Variants in EBF2 observed in about 807,000 individuals in gnomAD.
EBF2 encodes EBF transcription factor 2.
A neutral mutation model predicts 72.8 loss-of-function variants in EBF2; 21 were observed. That is an observed-to-expected ratio of 0.29 (90% CI 0.20 to 0.42). The LOEUF (loss-of-function observed/expected upper bound fraction) is 0.42, where lower values mean the gene tolerates loss of function less well. Ranked by LOEUF, EBF2 falls within the 10% of genes least tolerant of loss-of-function variation. The pLI is 1.00. For synonymous variants in EBF2, 299 were observed against 274.2 expected, an observed-to-expected ratio of 1.09 and a Z score of -0.89; for missense variants, 637 against 731.2, an observed-to-expected ratio of 0.87 and a Z score of 1.49.
chr8:25,986,461 G>A (rs180938325), intron 6 of EBF2, among the ~76,000 whole-genome samples: 120 of 152,258 alleles, frequency 7.9e-4, no homozygotes, highest in African/African-American at 2.8e-3. Context: ...CAAAGACAGG[G>A]GCAGTTCTGT....
intron 6 of EBF2, among the ~76,000 whole-genome samples, chr8:26,030,222 C>T (rs185496032): frequency 6.6e-6 from 1 of 152,188 alleles, no homozygotes; most frequent in Non-Finnish European, 1.5e-5. Context: ...AGTGAGAGAA[C>T]TCTTATCTTA....
chr8:25,906,304 C>T (rs565469586), intron 7 of EBF2, among the ~76,000 whole-genome samples: 1 of 152,302 alleles, frequency 6.6e-6, no homozygotes, highest in Non-Finnish European at 1.5e-5. Context: ...AGAAATAAAG[C>T]TAAGCTTTGG....
At chr8:25,922,432 T>C (rs1803319917) in intron 6 of EBF2, among the ~76,000 whole-genome samples, 1 of 152,218 alleles carries the variant, frequency 6.6e-6, no homozygotes, top group Admixed American at 6.5e-5. Flanking sequence ...TTCTACACAG[T>C]ACGTTTACTT....
intron 7 of EBF2, among the ~76,000 whole-genome samples, chr8:25,893,308 G>A (rs1297008709): frequency 4.8e-5 from 6 of 123,866 alleles, no homozygotes; most frequent in South Asian, 2.5e-4. Flanking sequence ...TTGAGACAGC[G>A]TCTTGCTCTA....
intron 7 of EBF2, among the ~76,000 whole-genome samples, chr8:25,894,830 A>C (rs991353251): frequency 2.3e-4 from 35 of 152,204 alleles, no homozygotes; most frequent in African/African-American, 8.2e-4. Flanking sequence ...GATCTGCTTT[A>C]AAAGAAGCAA....
chr8:25,889,908 G>A, intron 7 of EBF2, 39 bp from the exon 8 acceptor site: 2 of 1,563,394 alleles, frequency 1.3e-6, no homozygotes, highest in Non-Finnish European at 1.8e-6. Context: ...GGGGTGCAGT[G>A]GAATTAGTTT....
chr8:25,950,142 C>T (rs1392039955), intron 6 of EBF2, among the ~76,000 whole-genome samples: 1 of 152,186 alleles, frequency 6.6e-6, no homozygotes, highest in Non-Finnish European at 1.5e-5. Context: ...AAACGAGGTG[C>T]CCCACTGAGC....
chr8:25,882,442 G>C (rs1417006178), intron 10 of EBF2, among the ~76,000 whole-genome samples: 1 of 152,230 alleles, frequency 6.6e-6, no homozygotes, highest in Non-Finnish European at 1.5e-5. Flanking sequence ...ACCAGCTTGT[G>C]AAGGCAGGTG....
At chr8:25,962,557 A>T (rs77836334) in intron 6 of EBF2, among the ~76,000 whole-genome samples, 8 of 152,088 alleles carry the variant, frequency 5.3e-5, no homozygotes, top group Non-Finnish European at 1.2e-4. Flanking sequence ...AAAAAAAAAA[A>T]ATCCTGCAAG....
intron 6 of EBF2, among the ~76,000 whole-genome samples, chr8:25,961,561 C>T (rs565230329): frequency 3.3e-4 from 50 of 152,254 alleles, no homozygotes; most frequent in Non-Finnish European, 6.5e-4. Context: ...TAGCGTTTCA[C>T]CATCTTGGCC....
At chr8:25,886,721 A>T (rs1802694780) in intron 10 of EBF2, 34 bp downstream of exon 10, 1 of 1,589,372 alleles carries the variant, frequency 6.3e-7, no homozygotes, top group African/African-American at 1.3e-5. Flanking sequence ...GCAAACCAGA[A>T]GCCAGCCTCT....
intron 6 of EBF2, among the ~76,000 whole-genome samples, chr8:25,932,267 T>C (rs1344172181): frequency 6.6e-6 from 1 of 151,960 alleles, no homozygotes; most frequent in Non-Finnish European, 1.5e-5. Context: ...TTAGGACCCC[T>C]CCATTCTAAA....
intron 6 of EBF2, among the ~76,000 whole-genome samples, chr8:26,029,924 CT>C (rs1039686772): frequency 6.6e-6 from 1 of 151,692 alleles, no homozygotes; most frequent in African/African-American, 2.4e-5. Context: ...TTTTTCTTTT[CT>C]TTTCTGAGAC....
chr8:25,913,358 T>C (rs1803158533), intron 6 of EBF2, among the ~76,000 whole-genome samples: 1 of 152,000 alleles, frequency 6.6e-6, no homozygotes, highest in African/African-American at 2.4e-5. Context: ...GGAGAATCGC[T>C]TGAACCTGGG....
intron 7 of EBF2, among the ~76,000 whole-genome samples, chr8:25,903,922 C>A (rs1409161192): frequency 2.6e-5 from 4 of 152,148 alleles, no homozygotes; most frequent in Non-Finnish European, 4.4e-5. Flanking sequence ...TATATGCCTG[C>A]AGCTCTAAAG....
intron 6 of EBF2, among the ~76,000 whole-genome samples, chr8:25,951,862 G>C (rs73555908): frequency 0.042 from 6,386 of 152,218 alleles, 443 homozygotes; most frequent in African/African-American, 0.14. Context: ...AGGTCAAGAT[G>C]AACATTCAGA....
intron 6 of EBF2, among the ~76,000 whole-genome samples, chr8:26,011,527 T>C (rs1805022014): frequency 2.0e-5 from 3 of 152,050 alleles, no homozygotes; most frequent in Non-Finnish European, 1.5e-5. Context: ...TGACCAGGTA[T>C]TCCTTCGGTC....
chr8:26,040,003 A>G (rs1354088319), intron 5 of EBF2, 25 bp downstream of exon 5: 3 of 1,611,252 alleles, frequency 1.9e-6, no homozygotes, highest in Non-Finnish European at 2.5e-6. Flanking sequence ...CTCTCCAGGA[A>G]GGCCTGGGAA....
chr8:26,045,010 G>A lies in EBF2; in HGVS notation c.-151C>T. Reference sequence around the variant, plus strand: ...GTTTGAGTCTTAGAAAAAAAAAAAAGATAACCCGTCCTTTGCTTCACTGGC... The same window carrying A: ...GTTTGAGTCTTAGAAAAAAAAAAAAAATAACCCGTCCTTTGCTTCACTGGC... On this transcript the variant is annotated 5_prime_UTR_variant, in exon 1 of 16. Coordinates refer to ENST00000520164, the MANE Select transcript of EBF2 (RefSeq NM_022659.4). The A allele has an allele frequency of 2.6e-6, 2 of 774,554 alleles. No individual in the cohort carries two copies. Among genetic ancestry groups the A allele is most frequent in the East Asian group, 2.8e-5 (1 of 35,846 alleles). 48.0% of individuals were successfully genotyped at this position (774,554 alleles called of 1,614,324 possible).
Sources: gnomAD v4.1 joint callset for allele counts (sites outside exome capture counted in the v4.1 genomes callset) on GRCh38, gnomAD v4.1.1 for gene constraint, MANE v1.5 for transcripts, NCBI Gene and HGNC (gene_info 2026-07-23, HGNC 2026-07-21) for gene names.